Variants in ME3 observed in about 807,000 individuals in gnomAD.
ME3 encodes the protein NADP-dependent malic enzyme, mitochondrial.
A neutral mutation model predicts 68.9 loss-of-function variants in ME3; 48 were observed. That is an observed-to-expected ratio of 0.70 (90% confidence interval 0.55 to 0.89). The LOEUF is 0.89. Among genes scored for constraint, ME3 ranks in the 40% least tolerant of loss-of-function variants. The pLI is 0.00. For synonymous variants in ME3, 320 were observed against 318.8 expected, an observed-to-expected ratio of 1.00 and a Z score of -0.04; for missense variants, 675 against 797.4, an observed-to-expected ratio of 0.85 and a Z score of 1.85.
chr11:86,564,140 T>C (rs1002068897), intron 2 of ME3, among the ~76,000 whole-genome samples: 1 of 152,184 alleles, frequency 6.6e-6, no homozygotes, highest in Admixed American at 6.6e-5. Context: ...GTTTTGTAGT[T>C]CTCCTTGTAG....
At chr11:86,455,156 A>G (rs990811369) in intron 8 of ME3, among the ~76,000 whole-genome samples, 1 of 152,248 alleles carries the variant, frequency 6.6e-6, no homozygotes, top group South Asian at 2.1e-4. Context: ...CATCCTTCCC[A>G]TGGTCTGCAA....
intron 2 of ME3, among the ~76,000 whole-genome samples, chr11:86,663,283 ATCTT>A (rs1280422437): frequency 6.6e-6 from 1 of 152,144 alleles, no homozygotes; most frequent in Non-Finnish European, 1.5e-5. Context: ...AAAGCTGTGG[ATCTT>A]TCTATCAAAA....
At chr11:86,536,193 C>T (rs1955646691) in intron 4 of ME3, among the ~76,000 whole-genome samples, 1 of 152,124 alleles carries the variant, frequency 6.6e-6, no homozygotes. Flanking sequence ...TGGAAGAAAA[C>T]CTAGGCATTA....
chr11:86,515,921 A>C (rs994607257), intron 4 of ME3, among the ~76,000 whole-genome samples: 3 of 152,226 alleles, frequency 2.0e-5, no homozygotes, highest in Non-Finnish European at 2.9e-5. Context: ...GCAGAGGTGC[A>C]GAAACATTTC....
chr11:86,654,515 A>G (rs1038708087), intron 2 of ME3, among the ~76,000 whole-genome samples: 1 of 152,240 alleles, frequency 6.6e-6, no homozygotes, highest in African/African-American at 2.4e-5. Context: ...ATCTCAATAG[A>G]TGCAGAAAAG....
At chr11:86,530,358 A>C (rs942767786) in intron 4 of ME3, among the ~76,000 whole-genome samples, 3 of 152,250 alleles carry the variant, frequency 2.0e-5, no homozygotes, top group Non-Finnish European at 2.9e-5. Flanking sequence ...AGGATACAAA[A>C]AAATGGAAGA....
chr11:86,538,594 G>C (rs1024440601), intron 4 of ME3, among the ~76,000 whole-genome samples: 1 of 152,032 alleles, frequency 6.6e-6, no homozygotes, highest in Non-Finnish European at 1.5e-5. Context: ...ACATACCACA[G>C]ACTCCTCTTT....
intron 4 of ME3, among the ~76,000 whole-genome samples, chr11:86,526,376 C>T (rs781383168): frequency 2.6e-5 from 4 of 152,284 alleles, no homozygotes; most frequent in East Asian, 1.9e-4. Context: ...CCGGGAAGCT[C>T]GAACTGGGTG....
chr11:86,448,176 C>G (rs765178055), exon 11 of ME3: 1 of 1,613,956 alleles, frequency 6.2e-7, no homozygotes, highest in Non-Finnish European at 8.5e-7. Flanking sequence ...CTTCACCAGC[C>G]TCACCACCTC....
chr11:86,464,141 A>G (rs1950362649), intron 8 of ME3: 1 of 447,338 alleles, frequency 2.2e-6, no homozygotes. Context: ...GCAAAATGAG[A>G]AGTTGGCCAA....
chr11:86,633,500 T>C (rs549368428), intron 2 of ME3, among the ~76,000 whole-genome samples: 1 of 152,182 alleles, frequency 6.6e-6, no homozygotes, highest in Admixed American at 6.5e-5. Context: ...CACATTAAAA[T>C]AGCTGGAAAG....
chr11:86,446,481 C>T, exon 13 of ME3: 1 of 1,614,216 alleles, frequency 6.2e-7, no homozygotes, highest in Non-Finnish European at 8.5e-7. Flanking sequence ...GCAAAAATCC[C>T]TCGGCCCTGG....
chr11:86,478,119 A>C (rs1004238997), intron 7 of ME3, among the ~76,000 whole-genome samples: 2 of 152,018 alleles, frequency 1.3e-5, no homozygotes, highest in African/African-American at 2.4e-5. Context: ...ACCACCCACC[A>C]ATCAACCAAC....
At chr11:86,665,277 G>C (rs1487263792) in intron 2 of ME3, among the ~76,000 whole-genome samples, 1 of 152,150 alleles carries the variant, frequency 6.6e-6, no homozygotes, top group African/African-American at 2.4e-5. Context: ...AAATACTATG[G>C]GGGAAAGCAG....
At position 86,487,439 on chromosome 11, in the gene ME3, TCCTGGA is replaced by T; in HGVS notation, c.706-5_706del. On this transcript the variant is annotated splice_acceptor_variant and splice_polypyrimidine_tract_variant and coding_sequence_variant and intron_variant, in exon 7 of 15. Coordinates refer to ENST00000543262, the Ensembl canonical transcript of ME3. LOFTEE classifies it high-confidence loss of function. ...GATGTACAGAGGGTCTCTGAGCAGC[TCCTGGA>T]ACAGACAGCACCCATTGACTGAGCC... The T allele has an allele frequency of 6.2e-7, 1 of 1,613,280 alleles. No individual in the cohort carries two copies. The highest frequency in any genetic ancestry group is 8.5e-7 in the Non-Finnish European group (1 of 1,179,708).
At chr11:86,550,746 C>T (rs7927467) in intron 4 of ME3, among the ~76,000 whole-genome samples, 2 of 151,986 alleles carry the variant, frequency 1.3e-5, no homozygotes, top group Non-Finnish European at 2.9e-5. Flanking sequence ...GTATTCCCAA[C>T]CAACGGACAC....
Position 86,574,932 on chromosome 11 carries a change from C to T in ME3, c.184-15109G>A, listed in dbSNP as rs1425574367. Among the ~76,000 whole-genome samples the T allele has an allele frequency of 5.1e-5, 6 of 117,904 alleles. 2 individuals are homozygous for T. Among genetic ancestry groups the T allele is most frequent in the Admixed American group, 7.7e-5 (1 of 12,992 alleles). 77.3% of individuals were successfully genotyped at this position (117,904 alleles called of 152,430 possible). On this transcript the variant is annotated intron_variant, in intron 2 of 14. Transcript: ENST00000543262. The stretch of plus-strand genomic sequence containing the variant: ...TTCCATGTGAAGGTATCTGCAAATT[C>T]CAAGGATGTTCACTCCATTTTCTGT...
intron 7 of ME3, among the ~76,000 whole-genome samples, chr11:86,476,723 G>A (rs891493916): frequency 2.0e-5 from 3 of 152,166 alleles, no homozygotes; most frequent in African/African-American, 7.2e-5. Context: ...GAGCAAAACT[G>A]AATAGGTCTG....
chr11:86,641,814 CA>C (rs1944688810), intron 2 of ME3, among the ~76,000 whole-genome samples: 1 of 152,024 alleles, frequency 6.6e-6, no homozygotes. Flanking sequence ...CAAAAAATGT[CA>C]AAAAATGAGA....
Sources: allele counts gnomAD v4.1 joint callset (sites outside exome capture counted in the v4.1 genomes callset), GRCh38; gene constraint gnomAD v4.1.1; transcripts MANE v1.5; gene names NCBI Gene and HGNC (gene_info 2026-07-23, HGNC 2026-07-21).